CIB1: variants seen among roughly 807,000 people sequenced by gnomAD.
CIB1 encodes the protein calcium and integrin-binding protein 1.
A neutral mutation model predicts 25.0 loss-of-function variants in CIB1; 19 were observed. The ratio of observed to expected loss-of-function variants is 0.76; its 90% CI spans 0.53 to 1.12. CIB1 has a LOEUF of 1.12. Ranked by LOEUF, CIB1 falls within the 50% of genes most tolerant of loss-of-function variation. CIB1 has a pLI of 0.00. For synonymous variants in CIB1, 104 were observed against 98.5 expected (o/e 1.06, Z -0.33); for missense variants, 236 against 242.6 (o/e 0.97, Z 0.18).
the CIB1 span, chr15:90,258,776 T>C: frequency 1.2e-6 from 2 of 1,614,198 alleles, no homozygotes; most frequent in Non-Finnish European, 1.7e-6. Flanking sequence ...CACGGACTCA[T>C]GCCTTGATCA....
rs1324250855 is a variant in CIB1, at chr15:90,230,035, A to G, written c.*449T>C. 5 of 205,520 alleles carry G rather than the reference A, an allele frequency of 2.4e-5. No individual in the cohort carries two copies. The highest frequency in any genetic ancestry group is 5.0e-5 in the Non-Finnish European group (5 of 100,078). 12.7% of individuals were successfully genotyped at this position (205,520 alleles called of 1,614,324 possible). A position where few individuals can be genotyped will look rare whatever the true frequency, so the allele number is the denominator to read the frequency against. On this transcript the variant is annotated 3_prime_UTR_variant, in exon 7 of 7. Transcript: ENST00000328649. Reference sequence around the variant, plus strand: ...TACATTTTGATGCATGCAGAGACTCATCTAACCACCACCCCAATCAGGATA... The same window carrying G: ...TACATTTTGATGCATGCAGAGACTCGTCTAACCACCACCCCAATCAGGATA...
the CIB1 span, chr15:90,241,439 C>T: frequency 6.3e-4 from 1,011 of 1,613,376 alleles, 8 homozygotes; most frequent in African/African-American, 0.012. Context: ...CCCGCCAGCT[C>T]CCCCAGCGCC....
the CIB1 span, among the ~76,000 whole-genome samples, chr15:90,240,274 G>A: frequency 3.3e-5 from 5 of 151,464 alleles, no homozygotes; most frequent in Non-Finnish European, 7.4e-5. Context: ...TTGGGAAGCC[G>A]AGAGGGGAGG....
At chr15:90,256,545 T>TTTCTTTCTTTCTTTC in the CIB1 span, among the ~76,000 whole-genome samples, 2 of 105,392 alleles carry the variant, frequency 1.9e-5, no homozygotes, top group African/African-American at 6.5e-5. Flanking sequence ...TCTCCTTCCT[T>TTTCTTTCTTTCTTTC]TTTCTTTCTT....
intron 6 of CIB1, 85 bp from the exon 7 acceptor site, chr15:90,230,590 C>G (rs1791829777): frequency 4.3e-6 from 6 of 1,410,010 alleles, no homozygotes; most frequent in Non-Finnish European, 2.9e-6. Context: ...CCCTTTAGAC[C>G]CTTCTTTGGA....
Position 90,232,215 on chromosome 15 carries a change from G to C in CIB1, c.195+4C>G, listed in dbSNP as rs1189829549. ...GAGGTGTCAAAGGAGGGGAGCGCTT[G>C]CACCTTGAGCTCTGGAAGGCTGAGA... On this transcript the variant is annotated splice_donor_region_variant and intron_variant, in intron 3 of 6. Transcript: ENST00000328649. 1.7e-5 allele frequency: 27 copies of C among 1,606,562 alleles called. No homozygotes were observed. The highest frequency in any genetic ancestry group is 2.2e-5 in the Non-Finnish European group (26 of 1,174,416).
At chr15:90,254,420 G>A in the CIB1 span, among the ~76,000 whole-genome samples, 5 of 150,912 alleles carry the variant, frequency 3.3e-5, no homozygotes, top group African/African-American at 7.3e-5. Flanking sequence ...TTGAACCCAG[G>A]AGGCGGAGGT....
upstream of CIB1, among the ~76,000 whole-genome samples, chr15:90,238,138 A>G (rs568666602): frequency 1.4e-4 from 21 of 152,302 alleles, no homozygotes; most frequent in African/African-American, 5.1e-4. Flanking sequence ...GGTCTTTCCT[A>G]AAAATACAAA....
the CIB1 span, among the ~76,000 whole-genome samples, chr15:90,239,305 ATGTGTGTG>A: frequency 4.6e-3 from 680 of 147,972 alleles, 5 homozygotes; most frequent in African/African-American, 0.013. Flanking sequence ...GAGACATAAA[ATGTGTGTG>A]TGTGTGTGTG....
At chr15:90,252,559 GA>G in the CIB1 span, among the ~76,000 whole-genome samples, 29 of 151,796 alleles carry the variant, frequency 1.9e-4, no homozygotes, top group Admixed American at 4.6e-4. Context: ...CAACGATTAA[GA>G]AAAAAAACAA....
chr15:90,265,177 G>T, the CIB1 span: 1 of 1,295,884 alleles, frequency 7.7e-7, no homozygotes, highest in South Asian at 1.6e-5. Flanking sequence ...AGAAGATGAA[G>T]AGGCGCCAAG....
chr15:90,263,475 A>G, the CIB1 span: 3 of 494,268 alleles, frequency 6.1e-6, no homozygotes, highest in Admixed American at 7.2e-5. Context: ...TGGCTTCTGT[A>G]TAATTTTCTC....
intron 3 of CIB1, 114 bp from the exon 4 acceptor site, chr15:90,231,621 G>T: frequency 7.9e-7 from 1 of 1,258,942 alleles, no homozygotes; most frequent in Non-Finnish European, 1.1e-6. Flanking sequence ...CCTCGTGGGG[G>T]TGAACAGTCA....
chr15:90,231,539 A>G, intron 3 of CIB1, 32 bp from the exon 4 acceptor site: 3 of 1,608,142 alleles, frequency 1.9e-6, no homozygotes, highest in Non-Finnish European at 2.5e-6. Flanking sequence ...GACGTGGCCC[A>G]GGTCACACGC....
the CIB1 span, chr15:90,262,870 T>G: frequency 7.4e-7 from 1 of 1,344,420 alleles, no homozygotes; most frequent in Non-Finnish European, 9.9e-7. Context: ...AGGGAAGGGA[T>G]GAGGGTAGAG....
At chr15:90,256,369 CA>C in the CIB1 span, 1 of 1,589,308 alleles carries the variant, frequency 6.3e-7, no homozygotes, top group African/African-American at 1.3e-5. Context: ...TCCCAAAAGC[CA>C]GGGAGGAAGC....
the CIB1 span, among the ~76,000 whole-genome samples, chr15:90,254,652 A>G: frequency 6.6e-6 from 1 of 152,036 alleles, no homozygotes; most frequent in South Asian, 2.1e-4. Context: ...AGCCTGGGCA[A>G]CAGGCAAAAC....
At chr15:90,256,571 TTCTTTC>T in the CIB1 span, among the ~76,000 whole-genome samples, 1 of 30,238 alleles carries the variant, frequency 3.3e-5, no homozygotes, top group African/African-American at 1.4e-4. Context: ...CTTTCTTTCT[TTCTTTC>T]TTTCTTTCTT....
chr15:90,265,705 G>A, the CIB1 span: 1 of 1,613,248 alleles, frequency 6.2e-7, no homozygotes, highest in Non-Finnish European at 8.5e-7. Flanking sequence ...AGGCTGGTTT[G>A]CGTCGACATG....
Sources: gnomAD v4.1 joint callset for allele counts (sites outside exome capture counted in the v4.1 genomes callset) on GRCh38, gnomAD v4.1.1 for gene constraint, MANE v1.5 for transcripts, NCBI Gene and HGNC (gene_info 2026-07-23, HGNC 2026-07-21) for gene names.